The following FBXW8 variants were observed in gnomAD, a reference collection of about 807,000 sequenced individuals.
FBXW8 encodes the protein F-box/WD repeat-containing protein 8.
In FBXW8, 57 loss-of-function variants were observed where a neutral mutation model predicts 65.3. The observed-to-expected ratio is 0.87, with a 90% CI of 0.71 to 1.09. The LOEUF is 1.09. Among genes scored for constraint, FBXW8 ranks in the 50% least tolerant of loss-of-function variants. FBXW8 has a pLI of 0.00. For missense variants in FBXW8, 777 were observed against 814.8 expected, an observed-to-expected ratio of 0.95 and a Z score of 0.57; for synonymous variants, 308 against 330.2, an observed-to-expected ratio of 0.93 and a Z score of 0.73.
At chr12:116,913,352 C>A (rs1416847580) in intron 1 of FBXW8, among the ~76,000 whole-genome samples, 7 of 152,172 alleles carry the variant, frequency 4.6e-5, no homozygotes. Flanking sequence ...GAGAACTGAC[C>A]TCCTTGCAGT....
chr12:116,976,572 C>T (rs953775307), intron 5 of FBXW8, among the ~76,000 whole-genome samples: 2 of 148,890 alleles, frequency 1.3e-5, no homozygotes, highest in Admixed American at 1.3e-4. Flanking sequence ...TCTTCTGCCT[C>T]AGCCTCCTGA....
intron 8 of FBXW8, among the ~76,000 whole-genome samples, chr12:117,019,005 G>A (rs1458216474): frequency 1.3e-5 from 2 of 152,196 alleles, no homozygotes; most frequent in Non-Finnish European, 2.9e-5. Context: ...TCCTTTTCAA[G>A]TTCCCATTAT....
At chr12:117,014,370 TACA>T (rs1565942426) in intron 8 of FBXW8, among the ~76,000 whole-genome samples, 1 of 152,360 alleles carries the variant, frequency 6.6e-6, no homozygotes, top group East Asian at 1.9e-4. Flanking sequence ...GGAATATAGC[TACA>T]ACAAGTTCTT....
chr12:116,979,881 C>T (rs1885189378), intron 5 of FBXW8, among the ~76,000 whole-genome samples: 1 of 151,886 alleles, frequency 6.6e-6, no homozygotes, highest in Non-Finnish European at 1.5e-5. Context: ...TTTACCTTGG[C>T]CTACTGTGCA....
rs375233574 is a variant in FBXW8, at chr12:116,921,422, G to A, written c.319-6601G>A. On this transcript the variant is annotated intron_variant, in intron 1 of 10. Coordinates refer to ENST00000652555, the MANE Select transcript of FBXW8 (RefSeq NM_153348.3). The stretch of plus-strand genomic sequence containing the variant: ...CCGCTCTTTGTAGCATTGTTTGTTT[G>A]GAGAAATGTTTTCCAGCTTCTATAT... Among the ~76,000 whole-genome samples the A allele has an allele frequency of 2.0e-4, 31 of 152,282 alleles. 1 individual carries two copies. Among genetic ancestry groups the A allele is most frequent in the Admixed American group, 5.9e-4 (9 of 15,288 alleles).
In FBXW8 at chr12:116,923,323, C is replaced by T. The variant is rs181794330; in HGVS notation, c.319-4700C>T. On this transcript the variant is annotated intron_variant, in intron 1 of 10. Coordinates refer to ENST00000652555, the MANE Select transcript of FBXW8 (RefSeq NM_153348.3). ...GGTGATTTTAATGTGTAATACAGGA[C>T]GAAAGTCCCCAATAGTGGTAGAGAA... Among the ~76,000 whole-genome samples the T allele has an allele frequency of 3.2e-4, 48 of 151,622 alleles. 1 individual carries two copies. The highest frequency in any genetic ancestry group is 5.4e-4 in the Non-Finnish European group (37 of 67,938).
At chr12:116,937,366 G>A (rs1488737128) in intron 2 of FBXW8, among the ~76,000 whole-genome samples, 1 of 152,164 alleles carries the variant, frequency 6.6e-6, no homozygotes, top group African/African-American at 2.4e-5. Flanking sequence ...GTAAATAGAG[G>A]AGGGGTTCAG....
At chr12:116,974,933 A>G (rs76605288) in intron 5 of FBXW8, among the ~76,000 whole-genome samples, 41 of 152,356 alleles carry the variant, frequency 2.7e-4, no homozygotes, top group African/African-American at 9.1e-4. Flanking sequence ...TAGGGCATCT[A>G]TAGGACAGTA....
intron 7 of FBXW8, among the ~76,000 whole-genome samples, chr12:117,005,609 G>T (rs1459108729): frequency 6.6e-6 from 1 of 152,234 alleles, no homozygotes; most frequent in Non-Finnish European, 1.5e-5. Context: ...ACACAGGTCA[G>T]GGTGACCTTG....
chr12:116,978,352 T>C (rs1315467507), intron 5 of FBXW8: 3 of 152,196 alleles, frequency 2.0e-5, no homozygotes, highest in Admixed American at 2.0e-4. Context: ...TTCAGAGTGG[T>C]GATGTGTGGA....
chr12:116,920,876 G>A (rs1880845069), intron 1 of FBXW8, among the ~76,000 whole-genome samples: 1 of 152,148 alleles, frequency 6.6e-6, no homozygotes, highest in Non-Finnish European at 1.5e-5. Flanking sequence ...CAAACCCACT[G>A]TGGTTTCAAA....
chr12:116,916,334 G>A (rs926393736), intron 1 of FBXW8, among the ~76,000 whole-genome samples: 1 of 152,196 alleles, frequency 6.6e-6, no homozygotes, highest in African/African-American at 2.4e-5. Flanking sequence ...ACTTGTGTAT[G>A]TGGAATGTAG....
chr12:116,956,286 T>A (rs1437022177), intron 4 of FBXW8, among the ~76,000 whole-genome samples: 3 of 152,122 alleles, frequency 2.0e-5, no homozygotes, highest in African/African-American at 7.2e-5. Context: ...GAGAACTGTA[T>A]CATTTGCTGC....
intron 2 of FBXW8, among the ~76,000 whole-genome samples, chr12:116,939,695 C>A (rs754493800): frequency 2.6e-5 from 4 of 152,200 alleles, no homozygotes; most frequent in African/African-American, 4.8e-5. Context: ...CCCTGTGTTT[C>A]CTGAGCACGT....
At chr12:116,977,373 G>A (rs1180277522) in intron 5 of FBXW8, 1 of 152,128 alleles carries the variant, frequency 6.6e-6, no homozygotes, top group Non-Finnish European at 1.5e-5. Flanking sequence ...CAGTGTGGCT[G>A]TTGAAAACGT....
At chr12:116,938,151 T>TC (rs1882292693) in intron 2 of FBXW8, among the ~76,000 whole-genome samples, 1 of 152,236 alleles carries the variant, frequency 6.6e-6, no homozygotes, top group Non-Finnish European at 1.5e-5. Flanking sequence ...TGATTTTTTT[T>TC]CCTTCAGAAT....
intron 5 of FBXW8, among the ~76,000 whole-genome samples, chr12:116,975,563 G>T (rs1884873199): frequency 1.3e-5 from 2 of 152,200 alleles, no homozygotes; most frequent in Non-Finnish European, 2.9e-5. Context: ...CAGGACATTT[G>T]CATGGTGTGA....
At chr12:116,918,903 C>G (rs189480533) in intron 1 of FBXW8, among the ~76,000 whole-genome samples, 1 of 152,164 alleles carries the variant, frequency 6.6e-6, no homozygotes, top group Admixed American at 6.5e-5. Context: ...ACTGGAGATA[C>G]ATTTCAAGAC....
rs1954275538 is a variant in FBXW8, at chr12:117,028,034, G to A, written c.1659G>A (p.Arg553=). 1 of 1,613,920 alleles carries A rather than the reference G, an allele frequency of 6.2e-7. No individual in the cohort carries two copies. The highest frequency in any genetic ancestry group is 1.1e-5 in the South Asian group (1 of 91,088). ...ATCTTTGTGCTCTTTCTAGACACCG[G>A]GGGCTGATCCGCGCCTATGAGTTTG... ...LDSFTTHRRH[R]GLIRAYEFAV... Residue 553 remains arginine (R), a synonymous_variant, in exon 11 of 11, where the codon CGG becomes CGA. Coordinates refer to ENST00000652555, the MANE Select transcript of FBXW8 (RefSeq NM_153348.3). This position sits in a 1 kb window ranked among gnomAD's most constrained non-coding sequence, Gnocchi z 4.1.
Sources: gnomAD v4.1 joint callset for allele counts (sites outside exome capture counted in the v4.1 genomes callset) on GRCh38, gnomAD v4.1.1 for gene constraint, Gnocchi (gnomAD v3.1) non-coding constraint, MANE v1.5 for transcripts, NCBI Gene and HGNC (gene_info 2026-07-23, HGNC 2026-07-21) for gene names.